Variants in GABBR2 observed in about 807,000 individuals in gnomAD.
GABBR2 encodes the protein gamma-aminobutyric acid type B receptor subunit 2.
In GABBR2, 23 loss-of-function variants were observed where a neutral mutation model predicts 105.6. The observed-to-expected ratio is 0.22, with a 90% CI of 0.16 to 0.31. The LOEUF (loss-of-function observed/expected upper bound fraction) is 0.31, where lower values mean the gene tolerates loss of function less well. Ranked by LOEUF, GABBR2 falls within the 10% of genes least tolerant of loss-of-function variation. The pLI is 1.00. For missense variants in GABBR2, 734 were observed against 1,245.5 expected (o/e 0.59, Z 6.18); for synonymous variants, 478 against 499.7 (o/e 0.96, Z 0.58).
chr9:98,505,780 C>G (rs1827498095), intron 3 of GABBR2, among the ~76,000 whole-genome samples: 1 of 152,210 alleles, frequency 6.6e-6, no homozygotes, highest in Admixed American at 6.5e-5. Flanking sequence ...CCACCAGAAG[C>G]TGGGAGATGC....
intron 17 of GABBR2, among the ~76,000 whole-genome samples, chr9:98,294,120 G>C (rs1213207081): frequency 6.6e-6 from 1 of 152,174 alleles, no homozygotes; most frequent in African/African-American, 2.4e-5. Flanking sequence ...CAATGTGCTG[G>C]GGATGTGTGT....
At chr9:98,571,686 C>T (rs1390135476) in intron 2 of GABBR2, among the ~76,000 whole-genome samples, 2 of 152,192 alleles carry the variant, frequency 1.3e-5, no homozygotes, top group Non-Finnish European at 2.9e-5. Flanking sequence ...TGGTCTATGC[C>T]TACTCTGTGT....
rs540271329 is a variant in GABBR2 at position 98,454,424 on chromosome 9, AG to A, written c.1000-208del. On this transcript the variant is annotated intron_variant, in intron 6 of 18. Coordinates refer to ENST00000259455, the MANE Select transcript of GABBR2 (RefSeq NM_005458.8). The surrounding 1 kb of genome is among the most constrained non-coding windows in gnomAD (Gnocchi z 4.6). Reference sequence around the variant, plus strand: ...CCCATTTTACAGACCCCCCATTTTCAGGGGGGTCAACTTGCTTAGTTCCACA... The same window carrying A: ...CCCATTTTACAGACCCCCCATTTTCAGGGGGTCAACTTGCTTAGTTCCACA... Among the ~76,000 whole-genome samples, 8 of 152,028 alleles carry A rather than the reference AG, an allele frequency of 5.3e-5. No homozygotes were observed. The South Asian group carries it at 1.5e-3, about 28-fold the overall frequency.
chr9:98,316,992 T>C (rs571207269), intron 13 of GABBR2, among the ~76,000 whole-genome samples: 7 of 152,166 alleles, frequency 4.6e-5, no homozygotes, highest in East Asian at 3.8e-4. Flanking sequence ...ACGTGCATCA[T>C]TGTGTCAAAT....
intron 3 of GABBR2, among the ~76,000 whole-genome samples, chr9:98,513,320 C>T (rs1261445108): frequency 1.7e-4 from 26 of 152,296 alleles, no homozygotes; most frequent in African/African-American, 5.8e-4. Flanking sequence ...AAAACCTAGG[C>T]AATAAGATTC....
chr9:98,561,395 G>T (rs542673813), intron 2 of GABBR2, among the ~76,000 whole-genome samples: 2 of 152,134 alleles, frequency 1.3e-5, no homozygotes, highest in East Asian at 3.8e-4. Flanking sequence ...AAGAATCAGG[G>T]CTCCTTGGAG....
Position 98,541,945 on chromosome 9 carries a change from A to G in GABBR2, c.558T>C (p.Ile186=). 1.2e-6 allele frequency: 2 copies of G among 1,614,196 alleles called. No individual in the cohort carries two copies. Among genetic ancestry groups the G allele is most frequent in the Non-Finnish European group, 1.7e-6 (2 of 1,179,992 alleles). The change falls in exon 3 of 19, where the codon ATT becomes ATC. Residue 186 remains isoleucine (I), a synonymous_variant. Transcript: ENST00000259455. ...VPSDNAVNPA[I]LKLLKHYQWK... is the part of the protein sequence containing the mutation. The stretch of plus-strand genomic sequence containing the variant: ...ACTGGTAGTGCTTGAGCAACTTCAG[A>G]ATGGCTGGATTCACCGCATTGTCTG...
At chr9:98,358,268 T>C (rs1831523281) in intron 13 of GABBR2, among the ~76,000 whole-genome samples, 2 of 152,208 alleles carry the variant, frequency 1.3e-5, no homozygotes, top group Admixed American at 6.5e-5. Flanking sequence ...ATCTTTGACA[T>C]GACTCATGTC....
At chr9:98,530,791 A>T (rs1828053126) in intron 3 of GABBR2, among the ~76,000 whole-genome samples, 1 of 152,162 alleles carries the variant, frequency 6.6e-6, no homozygotes, top group African/African-American at 2.4e-5. Flanking sequence ...CTCAAAAAAA[A>T]AATAGGGAGA....
At chr9:98,604,110 G>A (rs1192554574) in intron 1 of GABBR2, among the ~76,000 whole-genome samples, 1 of 152,208 alleles carries the variant, frequency 6.6e-6, no homozygotes, top group East Asian at 1.9e-4. Context: ...CCACCTGGGG[G>A]CTTGGTAAAA....
Position 98,482,975 on chromosome 9 carries a change from C to T in GABBR2, c.733-1978G>A, listed in dbSNP as rs193058720. 2.8e-4 allele frequency among the ~76,000 whole-genome samples: 42 copies of T among 152,158 alleles called. No homozygotes were observed. In the East Asian group the frequency reaches 7.9e-3, roughly 29 times the overall value. ...CTCCCTGGGCCACCTAGTTCATGAC[C>T]CCAGCCACAACTGTTCTCTGTGTGC... On this transcript the variant is annotated intron_variant, in intron 4 of 18. Transcript: ENST00000259455.
intron 3 of GABBR2, among the ~76,000 whole-genome samples, chr9:98,541,543 T>G (rs1422251373): frequency 6.6e-6 from 1 of 151,740 alleles, no homozygotes; most frequent in Non-Finnish European, 1.5e-5. Context: ...CACCCCCTGG[T>G]AGAACTTTGT....
intron 1 of GABBR2, among the ~76,000 whole-genome samples, chr9:98,623,925 T>A (rs903786946): frequency 6.6e-6 from 1 of 152,164 alleles, no homozygotes; most frequent in Non-Finnish European, 1.5e-5. Context: ...CATATCCATT[T>A]TTCAGATGGG....
rs1316080809 is a variant in GABBR2, at chr9:98,526,333, C to T, written c.630+15540G>A. ...ACCCTGTTCCAGTCATCATAGCCTT[C>T]CTGACATTGCTCCAGCACTTCCAGA... On this transcript the variant is annotated intron_variant, in intron 3 of 18. Coordinates refer to ENST00000259455, the MANE Select transcript of GABBR2 (RefSeq NM_005458.8). Among the ~76,000 whole-genome samples, 6 of 152,298 alleles carry T rather than the reference C, an allele frequency of 3.9e-5. No homozygotes were observed. The East Asian group carries it at 1.2e-3, about 29-fold the overall frequency.
At chr9:98,292,189 C>G (rs972517477) in intron 18 of GABBR2, among the ~76,000 whole-genome samples, 1 of 152,240 alleles carries the variant, frequency 6.6e-6, no homozygotes, top group Non-Finnish European at 1.5e-5. Context: ...TTCTTGTGTT[C>G]CCAGTGCCTG....
chr9:98,476,652 T>A (rs1826800618), intron 5 of GABBR2, among the ~76,000 whole-genome samples: 1 of 152,248 alleles, frequency 6.6e-6, no homozygotes, highest in African/African-American at 2.4e-5. Context: ...TGAACATAAG[T>A]CACTGTTCTG....
chr9:98,354,024 T>C lies in GABBR2; in HGVS notation c.1893+8691A>G, dbSNP rs113939113. On this transcript the variant is annotated intron_variant, in intron 13 of 18. Transcript: ENST00000259455. ...GAACTGTGAGTCAATTAAACCTCTT[T>C]CTTTTATAAATTACCCAGTCTCAGG... Among the ~76,000 whole-genome samples the C allele has an allele frequency of 5.1e-3, 783 of 152,356 alleles. 5 individuals carry two copies. The highest frequency in any genetic ancestry group is 0.017 in the African/African-American group (717 of 41,576).
chr9:98,578,143 A>G lies in GABBR2; in HGVS notation c.322-71T>C, dbSNP rs3750343. 871,106 of 1,541,600 alleles carry G rather than the reference A, an allele frequency of 0.57. 251,102 individuals are homozygous for G. Among genetic ancestry groups the G allele is most frequent in the African/African-American group, 0.76 (55,689 of 72,932 alleles). ...TTTCCCCAGGGGCATGAGCCCAACAAACAAATCTTTCCTCATGGAAACCTT... is the reference window on the plus strand; with the variant it reads ...TTTCCCCAGGGGCATGAGCCCAACAGACAAATCTTTCCTCATGGAAACCTT... On this transcript the variant is annotated intron_variant, in intron 1 of 18. Transcript: ENST00000259455.
chr9:98,700,385 C>T (rs1291454119), intron 1 of GABBR2, among the ~76,000 whole-genome samples: 1 of 152,180 alleles, frequency 6.6e-6, no homozygotes, highest in East Asian at 1.9e-4. Context: ...AGAGCAAAAT[C>T]TCCCAAGGCA....
Sources: allele counts gnomAD v4.1 joint callset (sites outside exome capture counted in the v4.1 genomes callset), GRCh38; gene constraint gnomAD v4.1.1; non-coding constraint Gnocchi (gnomAD v3.1); transcripts MANE v1.5; gene names NCBI Gene and HGNC (gene_info 2026-07-23, HGNC 2026-07-21).